Variants in CADM1 observed in about 807,000 individuals in gnomAD.
CADM1 encodes the protein cell adhesion molecule 1.
In CADM1, 15 loss-of-function variants were observed where a neutral mutation model predicts 53.1. The observed-to-expected ratio is 0.28, with a 90% CI of 0.19 to 0.44. CADM1 has a LOEUF of 0.44. Ranked by LOEUF, CADM1 falls within the 20% of genes least tolerant of loss-of-function variation. The pLI, the probability that CADM1 is intolerant of heterozygous loss-of-function variation, is 1.00. For synonymous variants in CADM1, 281 were observed against 243.0 expected (o/e 1.16, Z -1.45); for missense variants, 434 against 611.3 (o/e 0.71, Z 3.06).
chr11:115,321,680 C>A (rs776279245), intron 1 of CADM1, among the ~76,000 whole-genome samples: 11 of 152,288 alleles, frequency 7.2e-5, no homozygotes, highest in Non-Finnish European at 7.4e-5. Flanking sequence ...ACTAAAACTC[C>A]TGTGGAGTTC....
intron 1 of CADM1, among the ~76,000 whole-genome samples, chr11:115,360,342 G>A (rs908889774): frequency 1.1e-4 from 16 of 152,048 alleles, no homozygotes; most frequent in African/African-American, 2.9e-4. Flanking sequence ...TATGTTCCTC[G>A]GCATAGATGA....
intron 8 of CADM1, 22 bp from the exon 9 acceptor site, chr11:115,198,460 T>C: frequency 6.3e-7 from 1 of 1,592,966 alleles, no homozygotes; most frequent in Non-Finnish European, 8.5e-7. Context: ...AACAGAGGAT[T>C]GGAGGAAGGG....
chr11:115,273,114 A>T (rs1414891643), intron 1 of CADM1, among the ~76,000 whole-genome samples: 2 of 152,210 alleles, frequency 1.3e-5, no homozygotes, highest in African/African-American at 4.8e-5. Flanking sequence ...CACAGTAGAT[A>T]TCCTAACAAG....
At chr11:115,221,953 A>C (rs1057253279) in intron 5 of CADM1, among the ~76,000 whole-genome samples, 3 of 152,058 alleles carry the variant, frequency 2.0e-5, no homozygotes, top group African/African-American at 7.2e-5. Flanking sequence ...ATTTTCTTTG[A>C]TGTGCTCAAT....
intron 1 of CADM1, among the ~76,000 whole-genome samples, chr11:115,498,635 G>A (rs1949671240): frequency 6.6e-6 from 1 of 152,194 alleles, no homozygotes; most frequent in Non-Finnish European, 1.5e-5. Flanking sequence ...CATAGGAGAA[G>A]GTCTCCTCAG....
intron 1 of CADM1, among the ~76,000 whole-genome samples, chr11:115,324,062 T>C (rs80178771): frequency 0.012 from 1,821 of 152,202 alleles, 33 homozygotes; most frequent in African/African-American, 0.041. Context: ...CAGGCATTCA[T>C]ATATGAAGGA....
intron 1 of CADM1, among the ~76,000 whole-genome samples, chr11:115,440,446 A>G (rs1286215224): frequency 6.6e-6 from 1 of 152,258 alleles, no homozygotes; most frequent in Non-Finnish European, 1.5e-5. Context: ...AAATATTTGA[A>G]TGAGAAAATC....
At chr11:115,477,450 A>T (rs79438584) in intron 1 of CADM1, among the ~76,000 whole-genome samples, 6,387 of 152,134 alleles carry the variant, frequency 0.042, 178 homozygotes, top group Middle Eastern at 0.092. Context: ...GAAGAAAATT[A>T]AAAATGTAAG....
chr11:115,418,261 G>A (rs1460623975), intron 1 of CADM1, among the ~76,000 whole-genome samples: 2 of 152,122 alleles, frequency 1.3e-5, no homozygotes, highest in Non-Finnish European at 2.9e-5. Flanking sequence ...TAATAGTATA[G>A]CCCGAGGGTA....
At chr11:115,253,414 A>G (rs1261869080) in intron 1 of CADM1, among the ~76,000 whole-genome samples, 1 of 152,182 alleles carries the variant, frequency 6.6e-6, no homozygotes. Context: ...CTGGAAACCT[A>G]ACCTTCACTA....
At chr11:115,326,283 C>T (rs900567023) in intron 1 of CADM1, among the ~76,000 whole-genome samples, 3 of 152,092 alleles carry the variant, frequency 2.0e-5, no homozygotes, top group African/African-American at 4.8e-5. Flanking sequence ...AAAATTAACA[C>T]AAAACAATCC....
intron 11 of CADM1, among the ~76,000 whole-genome samples, chr11:115,177,917 T>C (rs902305885): frequency 3.9e-4 from 59 of 152,066 alleles, no homozygotes; most frequent in Non-Finnish European, 5.9e-4. Flanking sequence ...GCAAGCTCAT[T>C]GCACAGTGCT....
chr11:115,260,487 C>T (rs1054282187), intron 1 of CADM1, among the ~76,000 whole-genome samples: 6 of 152,190 alleles, frequency 3.9e-5, no homozygotes, highest in African/African-American at 1.4e-4. Context: ...TGCCTGGTGG[C>T]CTGAATGGCC....
chr11:115,470,854 AT>A (rs773382541), intron 1 of CADM1, among the ~76,000 whole-genome samples: 1 of 152,142 alleles, frequency 6.6e-6, no homozygotes, highest in Non-Finnish European at 1.5e-5. Flanking sequence ...TATTATCCCA[AT>A]TTTTTATCAG....
Position 115,401,225 on chromosome 11 carries a change from A to C in CADM1, c.124+103046T>G, listed in dbSNP as rs148814736. Among the ~76,000 whole-genome samples the C allele has an allele frequency of 1.2e-3, 186 of 152,344 alleles. 3 individuals carry two copies. In the East Asian group the frequency reaches 0.021, roughly 17 times the overall value. Reference sequence around the variant, plus strand: ...AAGGAACCTTAAATTCATATTAATAAATGAAGAAGCCAAACTGAAAAAGCA... The same window carrying C: ...AAGGAACCTTAAATTCATATTAATACATGAAGAAGCCAAACTGAAAAAGCA... On this transcript the variant is annotated intron_variant, in intron 1 of 11. Transcript: ENST00000331581.
intron 9 of CADM1, among the ~76,000 whole-genome samples, chr11:115,193,639 C>A (rs1940002125): frequency 6.6e-6 from 1 of 152,010 alleles, no homozygotes; most frequent in Admixed American, 6.6e-5. Context: ...GTAAGAAATT[C>A]TAGAGATATT....
chr11:115,322,791 T>C (rs569222232), intron 1 of CADM1, among the ~76,000 whole-genome samples: 19 of 152,354 alleles, frequency 1.2e-4, no homozygotes, highest in African/African-American at 4.6e-4. Context: ...ATACCACATA[T>C]TGTTTGTTCA....
At chr11:115,434,639 C>T (rs1363446481) in intron 1 of CADM1, among the ~76,000 whole-genome samples, 3 of 152,026 alleles carry the variant, frequency 2.0e-5, no homozygotes, top group African/African-American at 7.2e-5. Flanking sequence ...CTTACCCCAG[C>T]GTCAGGGTGT....
At chr11:115,404,843 G>GGAA (rs1947273326) in intron 1 of CADM1, among the ~76,000 whole-genome samples, 1 of 113,372 alleles carries the variant, frequency 8.8e-6, no homozygotes. Context: ...CCCTGCCTCA[G>GGAA]GAAAAAAAAA....
Sources: gnomAD v4.1 joint callset for allele counts (sites outside exome capture counted in the v4.1 genomes callset) on GRCh38, gnomAD v4.1.1 for gene constraint, MANE v1.5 for transcripts, NCBI Gene and HGNC (gene_info 2026-07-23, HGNC 2026-07-21) for gene names.